IL1R2: variants seen among roughly 807,000 people sequenced by gnomAD.
The protein encoded by IL1R2 is interleukin 1 receptor type 2.
In IL1R2, 46 loss-of-function variants were observed where a neutral mutation model predicts 39.5. The ratio of observed to expected loss-of-function variants is 1.16; its 90% CI spans 0.92 to 1.49. The LOEUF (loss-of-function observed/expected upper bound fraction) is 1.49, where lower values mean the gene tolerates loss of function less well. IL1R2 is among the 40% of genes most tolerant of loss of function. IL1R2 has a pLI of 0.00. For missense variants in IL1R2, 537 were observed against 502.0 expected, an observed-to-expected ratio of 1.07 and a Z score of -0.67; for synonymous variants, 207 against 189.6, an observed-to-expected ratio of 1.09 and a Z score of -0.75.
In IL1R2 at chr2:102,022,289, G is replaced by T. The variant is rs563001194; in HGVS notation, c.751+40G>T. On this transcript the variant is annotated intron_variant, in intron 6 of 8. Transcript: ENST00000332549. ...GACCATGCATTCCACGCACCTGTGG[G>T]GGTGCCTGGTATCCCAATGCAGGGG... 130 of 1,548,690 alleles carry T rather than the reference G, an allele frequency of 8.4e-5. 5 individuals are homozygous for T. The South Asian group carries it at 1.4e-3, about 17-fold the overall frequency.
At chr2:102,026,423 T>A (rs1677752975) in intron 8 of IL1R2, among the ~76,000 whole-genome samples, 170 bp downstream of exon 8, 1 of 152,164 alleles carries the variant, frequency 6.6e-6, no homozygotes, top group African/African-American at 2.4e-5. Context: ...TTTGGTAGGG[T>A]GGAGGCTGGA....
chr2:102,026,236 G>A lies in IL1R2; in HGVS notation c.1013G>A (p.Arg338His), dbSNP rs139357503. The A allele has an allele frequency of 1.1e-5, 18 of 1,611,310 alleles. No individual in the cohort carries two copies. The highest frequency in any genetic ancestry group is 1.7e-4 in the Middle Eastern group (1 of 6,054). Residue 338 changes from arginine (R) to histidine (H), a missense_variant, in exon 8 of 9, where the codon CGC becomes CAC. By Grantham distance (29) the Arg-to-His change is conservative. Transcript: ENST00000332549. ...VHNTLSFQTL[R>H]TTVKEASSTF... ...AATACCCTGAGTTTTCAGACACTAC[G>A]CACCACAGTCAAGGAAGGTATGTAT...
At chr2:102,021,479 C>A (rs1466228832) in intron 5 of IL1R2, among the ~76,000 whole-genome samples, 2 of 152,080 alleles carry the variant, frequency 1.3e-5, no homozygotes, top group Admixed American at 1.3e-4. Context: ...CCAAGCCCAG[C>A]TAATTTTTGT....
At chr2:102,016,085 G>A (rs767353700) in intron 4 of IL1R2, 34 bp downstream of exon 4, 3 of 1,553,040 alleles carry the variant, frequency 1.9e-6, no homozygotes, top group Admixed American at 3.6e-5. Flanking sequence ...TTACTAAAAT[G>A]TGTTTTCTTT....
chr2:102,013,524 C>CAAAAAAAAAAAAAAAAA (rs771727938), intron 3 of IL1R2, among the ~76,000 whole-genome samples: 2 of 5,690 alleles, frequency 3.5e-4, no homozygotes, highest in African/African-American at 1.3e-3. Context: ...TCTATCACTG[C>CAAAAAAAAAAAAAAAAA]AAAAAAAAAA....
At chr2:102,016,131 AT>A (rs999433408) in intron 4 of IL1R2, 80 bp downstream of exon 4, 1 of 1,155,728 alleles carries the variant, frequency 8.7e-7, no homozygotes, top group African/African-American at 1.5e-5. Flanking sequence ...TAAAATATCG[AT>A]TTTCTGAAGA....
chr2:102,004,098 C>A (rs966370152), intron 1 of IL1R2, among the ~76,000 whole-genome samples: 1 of 152,118 alleles, frequency 6.6e-6, no homozygotes, highest in East Asian at 1.9e-4. Context: ...GAGAATAAAG[C>A]GAATGCAGCA....
intron 4 of IL1R2, 85 bp from the exon 5 acceptor site, chr2:102,019,553 C>T: frequency 1.0e-6 from 1 of 968,432 alleles, no homozygotes; most frequent in Non-Finnish European, 1.5e-6. Flanking sequence ...GCAAATCCCA[C>T]ATTGGTTGAT....
At chr2:102,027,983 C>T (rs917704386) in intron 8 of IL1R2, among the ~76,000 whole-genome samples, 2 of 152,220 alleles carry the variant, frequency 1.3e-5, no homozygotes, top group African/African-American at 4.8e-5. Flanking sequence ...TCAGCACTTG[C>T]CCACTTACCC....
At chr2:102,007,893 C>A (rs1044571915) in intron 1 of IL1R2, among the ~76,000 whole-genome samples, 3 of 152,214 alleles carry the variant, frequency 2.0e-5, no homozygotes, top group African/African-American at 7.2e-5. Flanking sequence ...TATCTGTACG[C>A]TCTCTGCTTA....
rs201032704 is a variant in IL1R2 at position 102,026,140 on chromosome 2, T to C, written c.917T>C (p.Ile306Thr). The C allele has an allele frequency of 3.0e-5, 48 of 1,608,630 alleles. No homozygotes were observed. The highest frequency in any genetic ancestry group is 3.8e-5 in the Non-Finnish European group (45 of 1,175,848). The change falls in exon 8 of 9, where the codon ATT becomes ACT. Residue 306 changes from isoleucine to threonine, a missense_variant. Physicochemically the swap from Ile to Thr is moderately conservative, Grantham distance 89. Coordinates refer to ENST00000332549, the MANE Select transcript of IL1R2 (RefSeq NM_004633.4). ...TATTCAGAAAATAATGAGAACTACATTGAAGTGCCATTGATTTTTGATCCT... is the reference window on the plus strand; with the variant it reads ...TATTCAGAAAATAATGAGAACTACACTGAAGTGCCATTGATTTTTGATCCT... The part of the protein sequence containing the change: ...QEYSENNENY[I>T]EVPLIFDPVT...
In IL1R2 at chr2:102,008,068, A is replaced by G. The variant is rs866067394; in HGVS notation, c.-61-447A>G. Among the ~76,000 whole-genome samples the G allele has an allele frequency of 2.0e-5, 3 of 152,348 alleles. No individual in the cohort carries two copies. The South Asian group carries it at 6.2e-4, about 32-fold the overall frequency. On this transcript the variant is annotated intron_variant, in intron 1 of 8. Transcript: ENST00000332549. Reference sequence around the variant, plus strand: ...GGAGACAAGGCTGATGATGAATGCCACAGAGAATGACAGGGAAGGGAAGGA... The same window carrying G: ...GGAGACAAGGCTGATGATGAATGCCGCAGAGAATGACAGGGAAGGGAAGGA...
At chr2:101,993,397 C>A (rs1311219155) in intron 1 of IL1R2, among the ~76,000 whole-genome samples, 2 of 152,226 alleles carry the variant, frequency 1.3e-5, no homozygotes, top group African/African-American at 4.8e-5. Flanking sequence ...TAGTATCAAG[C>A]ACTCAGGACT....
chr2:101,992,402 GAC>G (rs1446317032), intron 1 of IL1R2, among the ~76,000 whole-genome samples: 3 of 151,652 alleles, frequency 2.0e-5, no homozygotes, highest in Non-Finnish European at 4.4e-5. Flanking sequence ...GACAAAGAAA[GAC>G]AGAGACAGAG....
chr2:102,012,502 G>A (rs1282920813), intron 3 of IL1R2, among the ~76,000 whole-genome samples: 1 of 151,904 alleles, frequency 6.6e-6, no homozygotes, highest in Non-Finnish European at 1.5e-5. Flanking sequence ...AGGGTATGTG[G>A]GGGGTGGGAG....
chr2:102,011,523 C>T (rs1676635391), intron 3 of IL1R2, among the ~76,000 whole-genome samples: 1 of 152,212 alleles, frequency 6.6e-6, no homozygotes, highest in Non-Finnish European at 1.5e-5. Flanking sequence ...TATTAACCAT[C>T]TGTGCATCTT....
intron 3 of IL1R2, among the ~76,000 whole-genome samples, chr2:102,013,598 A>AAAAAGAG (rs1213541566): frequency 6.6e-6 from 1 of 151,388 alleles, no homozygotes; most frequent in Non-Finnish European, 1.5e-5. Context: ...AAAAAAAAAA[A>AAAAAGAG]AAAAGAGAAA....
Position 102,009,813 on chromosome 2 carries a change from G to A in IL1R2, c.319G>A (p.Val107Ile), listed in dbSNP as rs372743702. The A allele has an allele frequency of 8.7e-6, 14 of 1,614,186 alleles. No individual in the cohort carries two copies. Among genetic ancestry groups the A allele is most frequent in the East Asian group, 2.2e-5 (1 of 44,890 alleles). The change falls in exon 3 of 9, where the codon GTC becomes ATC. Residue 107 changes from valine to isoleucine, a missense_variant. Val to Ile is a conservative substitution (Grantham distance 29). Coordinates refer to ENST00000332549, the MANE Select transcript of IL1R2 (RefSeq NM_004633.4). Reference sequence around the variant, plus strand: ...CTTGCAGGAGGACTCTGGCACCTACGTCTGCACTACTAGGTAAGTCTCCCT... The same window carrying A: ...CTTGCAGGAGGACTCTGGCACCTACATCTGCACTACTAGGTAAGTCTCCCT... ...PALQEDSGTY[V>I]CTTRNASYCD...
chr2:102,009,975 C>A (rs376923031), intron 3 of IL1R2, 149 bp downstream of exon 3: 15 of 821,734 alleles, frequency 1.8e-5, no homozygotes, highest in African/African-American at 5.1e-5. Context: ...TTCCTGACAC[C>A]CCCCCCAACC....
Sources: allele counts gnomAD v4.1 joint callset (sites outside exome capture counted in the v4.1 genomes callset), GRCh38; gene constraint gnomAD v4.1.1; transcripts MANE v1.5; gene names NCBI Gene and HGNC (gene_info 2026-07-23, HGNC 2026-07-21).